Variants in SLC25A21 observed in about 807,000 individuals in gnomAD.
SLC25A21 encodes the protein mitochondrial 2-oxodicarboxylate carrier.
Under a neutral mutation model 43.8 loss-of-function variants are expected in SLC25A21, and 47 were observed. The ratio of observed to expected loss-of-function variants is 1.07; its 90% confidence interval spans 0.85 to 1.37. SLC25A21 has a LOEUF of 1.37. Among genes scored for constraint, SLC25A21 ranks in the 40% most tolerant of loss-of-function variants. The pLI is 0.00. For missense variants in SLC25A21, 352 were observed against 350.2 expected, an observed-to-expected ratio of 1.00 and a Z score of -0.04; for synonymous variants, 131 against 121.3, an observed-to-expected ratio of 1.08 and a Z score of -0.52.
At chr14:36,859,299 A>G (rs1889995608) in intron 2 of SLC25A21, among the ~76,000 whole-genome samples, 1 of 152,244 alleles carries the variant, frequency 6.6e-6, no homozygotes, top group African/African-American at 2.4e-5. Flanking sequence ...AATGCAACAG[A>G]TTCTGCCTAC....
At chr14:36,760,896 GGA>G (rs1018149916) in intron 3 of SLC25A21, among the ~76,000 whole-genome samples, 17 of 152,118 alleles carry the variant, frequency 1.1e-4, no homozygotes, top group African/African-American at 4.1e-4. Flanking sequence ...GGGAAAAAAA[GGA>G]GAGAGGAAGA....
chr14:37,111,221 T>C (rs1482000060), intron 1 of SLC25A21, among the ~76,000 whole-genome samples: 2 of 152,180 alleles, frequency 1.3e-5, no homozygotes, highest in Non-Finnish European at 2.9e-5. Flanking sequence ...ACTGATAAAA[T>C]GACACTGCTG....
chr14:36,922,997 C>T (rs1465948725), intron 1 of SLC25A21, among the ~76,000 whole-genome samples: 2 of 151,902 alleles, frequency 1.3e-5, no homozygotes, highest in Non-Finnish European at 2.9e-5. Flanking sequence ...AAATCAGTCC[C>T]ACAAAAACAG....
intron 3 of SLC25A21, among the ~76,000 whole-genome samples, chr14:36,779,498 T>C (rs1340833562): frequency 6.9e-6 from 1 of 144,828 alleles, no homozygotes; most frequent in Non-Finnish European, 1.5e-5. Context: ...AATAAACATA[T>C]TCCTATATAT....
At chr14:36,903,992 A>C (rs1288613106) in intron 1 of SLC25A21, among the ~76,000 whole-genome samples, 2 of 152,248 alleles carry the variant, frequency 1.3e-5, no homozygotes, top group Admixed American at 6.5e-5. Flanking sequence ...TAGTTAGAAT[A>C]AACGCTCAGG....
chr14:37,091,647 T>C (rs1180627221), intron 1 of SLC25A21, among the ~76,000 whole-genome samples: 2 of 152,204 alleles, frequency 1.3e-5, no homozygotes, highest in East Asian at 1.9e-4. Context: ...TCCATCACTT[T>C]GCACACGTCT....
chr14:37,078,449 T>C (rs183918736), intron 1 of SLC25A21, among the ~76,000 whole-genome samples: 19 of 152,152 alleles, frequency 1.2e-4, no homozygotes, highest in Admixed American at 1.1e-3. Context: ...TGGACCTATT[T>C]AAGAAGGAAG....
chr14:37,037,762 C>T (rs1484639733), intron 1 of SLC25A21, among the ~76,000 whole-genome samples: 3 of 152,108 alleles, frequency 2.0e-5, no homozygotes, highest in African/African-American at 7.2e-5. Context: ...GCCCAGAAGT[C>T]TTCGCAGATC....
intron 1 of SLC25A21, among the ~76,000 whole-genome samples, chr14:37,061,920 C>T (rs1961956124): frequency 6.6e-6 from 1 of 152,180 alleles, no homozygotes; most frequent in South Asian, 2.1e-4. Flanking sequence ...TTCAGAATGA[C>T]CGCCTAAGGG....
intron 1 of SLC25A21, among the ~76,000 whole-genome samples, chr14:36,906,897 G>A (rs1891551006): frequency 6.6e-6 from 1 of 152,076 alleles, no homozygotes. Flanking sequence ...CAAAAGAAAA[G>A]CCATTGCAGT....
intron 1 of SLC25A21, among the ~76,000 whole-genome samples, chr14:36,949,517 T>G (rs943317404): frequency 6.6e-6 from 1 of 152,216 alleles, no homozygotes; most frequent in Admixed American, 6.5e-5. Flanking sequence ...GTTTTCTTTC[T>G]CAGGAATTCT....
intron 1 of SLC25A21, among the ~76,000 whole-genome samples, chr14:37,079,268 C>A (rs1161714292): frequency 6.6e-6 from 1 of 152,152 alleles, no homozygotes. Flanking sequence ...AACAGCCTAC[C>A]TGGTATCCCA....
intron 1 of SLC25A21, among the ~76,000 whole-genome samples, chr14:37,109,956 C>A (rs996170553): frequency 6.6e-6 from 1 of 152,070 alleles, no homozygotes; most frequent in African/African-American, 2.4e-5. Flanking sequence ...AACTAAATTG[C>A]AGCTTAAATG....
chr14:36,803,677 T>C (rs989203112), intron 3 of SLC25A21, among the ~76,000 whole-genome samples: 4 of 152,200 alleles, frequency 2.6e-5, no homozygotes, highest in African/African-American at 7.2e-5. Flanking sequence ...TTCCACACAA[T>C]GAGCTGTTTA....
intron 1 of SLC25A21, among the ~76,000 whole-genome samples, chr14:36,985,145 G>A (rs913618372): frequency 2.0e-5 from 3 of 147,178 alleles, no homozygotes; most frequent in African/African-American, 7.6e-5. Context: ...ATGGACACAG[G>A]AAGGGGAATA....
chr14:37,085,832 G>A (rs1962473776), intron 1 of SLC25A21, among the ~76,000 whole-genome samples: 1 of 152,134 alleles, frequency 6.6e-6, no homozygotes, highest in Non-Finnish European at 1.5e-5. Context: ...TTGGCCGGCC[G>A]CGGTGGCTTA....
At chr14:36,939,484 A>G (rs1007947903) in intron 1 of SLC25A21, among the ~76,000 whole-genome samples, 4 of 151,958 alleles carry the variant, frequency 2.6e-5, no homozygotes, top group African/African-American at 7.3e-5. Context: ...GTTACCCATA[A>G]TCTTGTTGTC....
At chr14:37,011,036 G>A (rs1436979886) in intron 1 of SLC25A21, among the ~76,000 whole-genome samples, 4 of 152,152 alleles carry the variant, frequency 2.6e-5, no homozygotes, top group African/African-American at 7.2e-5. Flanking sequence ...ACAGGTGCGT[G>A]CCACCCTGCC....
chr14:36,944,577 G>A (rs920046616), intron 1 of SLC25A21, among the ~76,000 whole-genome samples: 1 of 152,102 alleles, frequency 6.6e-6, no homozygotes, highest in Non-Finnish European at 1.5e-5. Context: ...TGAAGGGTGG[G>A]GCTCCAAGGG....
Sources: gnomAD v4.1 joint callset for allele counts (sites outside exome capture counted in the v4.1 genomes callset) on GRCh38, gnomAD v4.1.1 for gene constraint, MANE v1.5 for transcripts, NCBI Gene and HGNC (gene_info 2026-07-23, HGNC 2026-07-21) for gene names.